Variants in ASIC2 observed in about 807,000 individuals in gnomAD.
The protein encoded by ASIC2 is acid-sensing ion channel 2.
ASIC2 carries 25 observed loss-of-function variants against 57.3 expected under a neutral mutation model. The observed-to-expected ratio is 0.44, with a 90% CI of 0.32 to 0.61. ASIC2 has a LOEUF of 0.61. Ranked by LOEUF, ASIC2 falls within the 20% of genes least tolerant of loss-of-function variation. The pLI is 0.06. For synonymous variants in ASIC2, 319 were observed against 307.5 expected, an observed-to-expected ratio of 1.04 and a Z score of -0.39; for missense variants, 641 against 738.1, an observed-to-expected ratio of 0.87 and a Z score of 1.52.
chr17:33,870,235 T>TTG (rs2072308877), intron 1 of ASIC2, among the ~76,000 whole-genome samples: 2 of 134,846 alleles, frequency 1.5e-5, no homozygotes, highest in South Asian at 2.8e-4. Flanking sequence ...TTTTTTTTTT[T>TTG]TTTTTTTTTT....
At chr17:33,341,529 G>A (rs1907721580) in intron 1 of ASIC2, among the ~76,000 whole-genome samples, 1 of 152,194 alleles carries the variant, frequency 6.6e-6, no homozygotes, top group South Asian at 2.1e-4. Flanking sequence ...TTGAGTGGTT[G>A]CAACAGAGAC....
At chr17:34,126,385 T>C (rs1450494449) in intron 1 of ASIC2, among the ~76,000 whole-genome samples, 2 of 152,184 alleles carry the variant, frequency 1.3e-5, no homozygotes, top group African/African-American at 4.8e-5. Context: ...TGGAGGAAAG[T>C]ACGGAATAAA....
chr17:33,682,287 A>G (rs575839199), intron 1 of ASIC2, among the ~76,000 whole-genome samples: 162 of 151,394 alleles, frequency 1.1e-3, no homozygotes, highest in African/African-American at 3.8e-3. Context: ...GGATGGTCTC[A>G]ATCTCCTGAC....
intron 1 of ASIC2, among the ~76,000 whole-genome samples, chr17:34,018,414 T>C (rs1218995566): frequency 6.6e-6 from 1 of 152,268 alleles, no homozygotes; most frequent in Non-Finnish European, 1.5e-5. Flanking sequence ...GATGTTTTCA[T>C]GCCTGCTAAC....
intron 1 of ASIC2, among the ~76,000 whole-genome samples, chr17:33,751,641 T>C (rs919284268): frequency 2.0e-5 from 3 of 152,216 alleles, no homozygotes; most frequent in African/African-American, 7.2e-5. Flanking sequence ...TCATCCATTC[T>C]GTTTTTCAAC....
chr17:33,447,261 C>G (rs993438019), intron 1 of ASIC2, among the ~76,000 whole-genome samples: 2 of 146,072 alleles, frequency 1.4e-5, no homozygotes, highest in African/African-American at 5.1e-5. Context: ...AAGATTAAGG[C>G]TAAATGCATC....
chr17:33,593,734 G>C (rs1194679709), intron 1 of ASIC2, among the ~76,000 whole-genome samples: 2 of 152,180 alleles, frequency 1.3e-5, no homozygotes, highest in African/African-American at 4.8e-5. Context: ...GAGAACTGAA[G>C]GGTAATAAGT....
intron 1 of ASIC2, among the ~76,000 whole-genome samples, chr17:34,096,788 C>T (rs1374582463): frequency 1.6e-5 from 2 of 123,668 alleles, no homozygotes; most frequent in African/African-American, 3.0e-5. Context: ...ACCTGGGAGG[C>T]GGAGCTTGCA....
intron 1 of ASIC2, among the ~76,000 whole-genome samples, chr17:33,198,646 C>T (rs1906734604): frequency 6.6e-6 from 1 of 152,202 alleles, no homozygotes; most frequent in African/African-American, 2.4e-5. Context: ...GTAGCACCCC[C>T]AGCCTCTGTT....
rs1428934110 is a variant in ASIC2 at position 34,099,601 on chromosome 17, AAGAG to A, written c.555+56373_555+56376del. ...AAGAAGGAAGGAAAGAAAGAGAAAA[AAGAG>A]AGAAAGAGGAAAGAAAGAAAAAGAA... is the stretch of plus-strand genomic sequence containing the variant. On this transcript the variant is annotated intron_variant, in intron 1 of 9. Coordinates refer to the ASIC2 transcript ENST00000359872. Among the ~76,000 whole-genome samples, 5 of 149,592 alleles carry A rather than the reference AAGAG, an allele frequency of 3.3e-5. No individual in the cohort carries two copies. The East Asian group carries it at 5.8e-4, about 17-fold the overall frequency.
chr17:33,453,209 G>A lies in ASIC2; in HGVS notation c.556-341142C>T, dbSNP rs147914402. Among the ~76,000 whole-genome samples, 19 of 150,476 alleles carry A rather than the reference G, an allele frequency of 1.3e-4. No individual in the cohort carries two copies. The East Asian group carries it at 3.5e-3, about 28-fold the overall frequency. On this transcript the variant is annotated intron_variant, in intron 1 of 9. Coordinates refer to the ASIC2 transcript ENST00000359872. ...TTAGAGAAAGCCTGTGTTTTTGGATGTATTGGGGAGCTGGGGTATGGGTGC... is the reference window on the plus strand; with the variant it reads ...TTAGAGAAAGCCTGTGTTTTTGGATATATTGGGGAGCTGGGGTATGGGTGC...
intron 1 of ASIC2, among the ~76,000 whole-genome samples, chr17:33,271,721 T>C (rs1185519952): frequency 6.6e-6 from 1 of 152,206 alleles, no homozygotes; most frequent in Non-Finnish European, 1.5e-5. Context: ...ATCTCAAGTA[T>C]TGCATCTGCT....
In ASIC2 at chr17:33,112,022, C is replaced by T; in HGVS notation, c.754G>A (p.Asp252Asn). The T allele has an allele frequency of 6.2e-7, 1 of 1,613,972 alleles. No individual in the cohort carries two copies. Among genetic ancestry groups the T allele is most frequent in the Non-Finnish European group, 8.5e-7 (1 of 1,179,960 alleles). Residue 252 changes from aspartate (D) to asparagine (N), a missense_variant, in exon 2 of 10, where the codon GAT (aspartate) becomes AAT (asparagine). Coordinates refer to ENST00000225823, the MANE Select transcript of ASIC2 (RefSeq NM_183377.2). ...ACCGTGGTGAGCAGAGGTTTGCCAT[C>T]CTCGCCTGAGTTAAACATGTAACAC... ...GKCYMFNSGE[D>N]GKPLLTTVKG...
intron 1 of ASIC2, among the ~76,000 whole-genome samples, chr17:33,137,226 T>G (rs964654422): frequency 3.9e-5 from 6 of 152,238 alleles, no homozygotes; most frequent in African/African-American, 1.4e-4. Context: ...GAAAACAAGA[T>G]GCTGTGGTCT....
chr17:33,198,814 A>G (rs1221637565), intron 1 of ASIC2, among the ~76,000 whole-genome samples: 1 of 152,256 alleles, frequency 6.6e-6, no homozygotes, highest in Non-Finnish European at 1.5e-5. Context: ...GGTAAGATGC[A>G]TGGGAGCTAA....
At position 34,015,842 on chromosome 17, in the gene ASIC2, T is replaced by C. The variant is rs193261146; in HGVS notation, c.555+140136A>G. 2.1e-4 allele frequency among the ~76,000 whole-genome samples: 32 copies of C among 152,360 alleles called. No individual in the cohort carries two copies. In the East Asian group the frequency reaches 4.2e-3, roughly 20 times the overall value. ...AAAACATTTTACTAGTTGTGTGACC[T>C]TGGGCAAATGCCCAACCTCTTAAGA... is the stretch of plus-strand genomic sequence containing the variant. On this transcript the variant is annotated intron_variant, in intron 1 of 9. Transcript: ENST00000359872.
At chr17:33,883,750 TC>T (rs1914759745) in intron 1 of ASIC2, among the ~76,000 whole-genome samples, 1 of 152,186 alleles carries the variant, frequency 6.6e-6, no homozygotes, top group Non-Finnish European at 1.5e-5. Flanking sequence ...ATTTCCTGCA[TC>T]CCCTGAATTC....
chr17:34,142,479 A>G (rs1912298456), intron 1 of ASIC2, among the ~76,000 whole-genome samples: 1 of 152,350 alleles, frequency 6.6e-6, no homozygotes, highest in South Asian at 2.1e-4. Context: ...TGTGCTATGT[A>G]GTTTACAAAT....
At chr17:33,638,673 G>C (rs1171177255) in intron 1 of ASIC2, among the ~76,000 whole-genome samples, 1 of 152,186 alleles carries the variant, frequency 6.6e-6, no homozygotes, top group Non-Finnish European at 1.5e-5. Flanking sequence ...GTTGAACAGA[G>C]AGATGGGTAT....
Sources: allele counts gnomAD v4.1 joint callset (sites outside exome capture counted in the v4.1 genomes callset), GRCh38; gene constraint gnomAD v4.1.1; transcripts MANE v1.5; gene names NCBI Gene and HGNC (gene_info 2026-07-23, HGNC 2026-07-21).